Variants in HS6ST1 observed in about 807,000 individuals in gnomAD.
The protein encoded by HS6ST1 is heparan-sulfate 6-O-sulfotransferase 1.
Under a neutral mutation model 25.2 loss-of-function variants are expected in HS6ST1, and 3 were observed. The ratio of observed to expected loss-of-function variants is 0.12; its 90% CI spans 0.05 to 0.31. HS6ST1 has a LOEUF of 0.31. HS6ST1 is among the 10% of genes least tolerant of loss of function. The probability of loss-of-function intolerance (pLI) is 1.00; values close to 1 mark genes in which losing one functional copy is unlikely to be tolerated. For synonymous variants in HS6ST1, 204 were observed against 275.1 expected (o/e 0.74, Z 2.56); for missense variants, 310 against 609.6 (o/e 0.51, Z 5.18).
chr2:128,269,626 T>C (rs547998293), intron 1 of HS6ST1, among the ~76,000 whole-genome samples: 1 of 152,296 alleles, frequency 6.6e-6, no homozygotes, highest in Non-Finnish European at 1.5e-5. Flanking sequence ...CGGCTGTGGA[T>C]ATGCCCGGTG....
intron 1 of HS6ST1, among the ~76,000 whole-genome samples, chr2:128,270,594 A>T (rs1279515762): frequency 6.6e-6 from 1 of 152,222 alleles, no homozygotes; most frequent in Non-Finnish European, 1.5e-5. Context: ...CGGCCGGGGC[A>T]GGCTTCTGTC....
intron 1 of HS6ST1, among the ~76,000 whole-genome samples, chr2:128,292,076 G>A (rs997822544): frequency 7.2e-5 from 11 of 152,240 alleles, no homozygotes; most frequent in Admixed American, 3.3e-4. Flanking sequence ...AGCCGGCAGG[G>A]GAGGCGGCAC....
Position 128,284,050 on chromosome 2 carries a change from C to T in HS6ST1, c.528-15180G>A, listed in dbSNP as rs144080536. ...GAGCAGGGGGGCTGAGTCAGACCCACGGGGCAGCCCCCCACCCTCACCCCA... is the reference window on the plus strand; with the variant it reads ...GAGCAGGGGGGCTGAGTCAGACCCATGGGGCAGCCCCCCACCCTCACCCCA... On this transcript the variant is annotated intron_variant, in intron 1 of 1. Coordinates refer to ENST00000259241, the MANE Select transcript of HS6ST1 (RefSeq NM_004807.3). Among the ~76,000 whole-genome samples the T allele has an allele frequency of 7.2e-3, 1,095 of 152,284 alleles. 11 individuals are homozygous for T. Among genetic ancestry groups the T allele is most frequent in the African/African-American group, 0.025 (1,048 of 41,556 alleles).
intron 1 of HS6ST1, among the ~76,000 whole-genome samples, chr2:128,307,146 C>T (rs569736919): frequency 1.3e-5 from 2 of 152,250 alleles, no homozygotes; most frequent in African/African-American, 4.8e-5. Context: ...GCGGCAAAAT[C>T]GCTGTGAGGG....
intron 1 of HS6ST1, among the ~76,000 whole-genome samples, chr2:128,298,189 G>A (rs1016759972): frequency 1.1e-4 from 17 of 152,100 alleles, no homozygotes; most frequent in African/African-American, 3.9e-4. Flanking sequence ...AGGATGTAGA[G>A]AAACTGGAAC....
chr2:128,301,492 G>A (rs115616613), intron 1 of HS6ST1, among the ~76,000 whole-genome samples: 1,646 of 152,290 alleles, frequency 0.011, 12 homozygotes, highest in Non-Finnish European at 0.019. Flanking sequence ...GCTCAGAATG[G>A]AAAATTGCTC....
intron 1 of HS6ST1, among the ~76,000 whole-genome samples, chr2:128,316,492 G>A (rs1694364930): frequency 6.6e-6 from 1 of 152,212 alleles, no homozygotes; most frequent in Admixed American, 6.5e-5. Flanking sequence ...GTGGTCCCAG[G>A]CACAGCTGAG....
chr2:128,307,959 G>A (rs1314081458), intron 1 of HS6ST1, among the ~76,000 whole-genome samples: 1 of 152,208 alleles, frequency 6.6e-6, no homozygotes, highest in African/African-American at 2.4e-5. Context: ...GTTAAGTCCA[G>A]CAGTCAATGA....
chr2:128,317,276 G>C (rs368499002), intron 1 of HS6ST1, among the ~76,000 whole-genome samples: 1 of 152,248 alleles, frequency 6.6e-6, no homozygotes, highest in South Asian at 2.1e-4. Flanking sequence ...CCCCAGAGAA[G>C]GGGTGTGGCA....
At chr2:128,283,829 C>T (rs1270700107) in intron 1 of HS6ST1, among the ~76,000 whole-genome samples, 1 of 152,186 alleles carries the variant, frequency 6.6e-6, no homozygotes, top group East Asian at 1.9e-4. Context: ...AGTTCTAGAG[C>T]TATCGCCACT....
chr2:128,277,498 G>C (rs1693713887), intron 1 of HS6ST1, among the ~76,000 whole-genome samples: 7 of 152,244 alleles, frequency 4.6e-5, no homozygotes, highest in Admixed American at 4.6e-4. Flanking sequence ...GCTGTGATGT[G>C]TGGCCATCCC....
At chr2:128,286,926 C>T (rs1693873608) in intron 1 of HS6ST1, among the ~76,000 whole-genome samples, 1 of 152,164 alleles carries the variant, frequency 6.6e-6, no homozygotes, top group Non-Finnish European at 1.5e-5. Flanking sequence ...AGCAGGAGGC[C>T]CCTCTGAATG....
At chr2:128,274,017 C>T (rs561077017) in intron 1 of HS6ST1, among the ~76,000 whole-genome samples, 2 of 152,268 alleles carry the variant, frequency 1.3e-5, no homozygotes, top group South Asian at 4.2e-4. Context: ...CCTCGCACCC[C>T]CTGCTGAAGG....
rs528593437 is a variant in HS6ST1, at chr2:128,308,167, C to T, written c.527+9870G>A. ...ACACAAGGGCAGGAAACATGTGAAACGCAGGACAGTGGTGCTGAGCGAGGC... is the reference window on the plus strand; with the variant it reads ...ACACAAGGGCAGGAAACATGTGAAATGCAGGACAGTGGTGCTGAGCGAGGC... On this transcript the variant is annotated intron_variant, in intron 1 of 1. Transcript: ENST00000259241. 3.9e-5 allele frequency among the ~76,000 whole-genome samples: 6 copies of T among 152,284 alleles called. No homozygotes were observed. In the South Asian group the frequency reaches 1.0e-3, roughly 26 times the overall value.
At position 128,317,945 on chromosome 2, in the gene HS6ST1, G is replaced by A; in HGVS notation, c.527+92C>T. The A allele has an allele frequency of 2.3e-6, 3 of 1,329,154 alleles. No homozygotes were observed. In the South Asian group the frequency reaches 5.8e-5, roughly 26 times the overall value. The allele number at this position is 1,329,154 out of a possible 1,614,324, so 82.3% of individuals were successfully genotyped here. A position where few individuals can be genotyped will look rare whatever the true frequency, so the allele number is the denominator to read the frequency against. On this transcript the variant is annotated intron_variant, in intron 1 of 1. Transcript: ENST00000259241. ...CCCCCAAGAGGGCAGAAGGGGGTAG[G>A]GAAGGCAGGGCCGACCCAGTACAGC...
chr2:128,313,665 C>T (rs1310716254), intron 1 of HS6ST1, among the ~76,000 whole-genome samples: 1 of 152,124 alleles, frequency 6.6e-6, no homozygotes, highest in African/African-American at 2.4e-5. Flanking sequence ...GGTGGCCACT[C>T]CCCCGTGTGG....
chr2:128,308,067 T>C (rs1694237791), intron 1 of HS6ST1, among the ~76,000 whole-genome samples: 1 of 151,938 alleles, frequency 6.6e-6, no homozygotes, highest in Non-Finnish European at 1.5e-5. Flanking sequence ...TTGATAAGGG[T>C]TCTGGAAAGT....
chr2:128,297,008 G>A (rs1232859190), intron 1 of HS6ST1, among the ~76,000 whole-genome samples: 1 of 152,168 alleles, frequency 6.6e-6, no homozygotes, highest in Non-Finnish European at 1.5e-5. Flanking sequence ...GCTGCAGTGA[G>A]CCAGGTTCAC....
intron 1 of HS6ST1, among the ~76,000 whole-genome samples, chr2:128,276,086 CAA>C (rs1693690452): frequency 6.6e-6 from 1 of 152,214 alleles, no homozygotes; most frequent in Non-Finnish European, 1.5e-5. Context: ...CAAAAACAAA[CAA>C]ATCCCCAGAA....
Sources: gnomAD v4.1 joint callset for allele counts (sites outside exome capture counted in the v4.1 genomes callset) on GRCh38, gnomAD v4.1.1 for gene constraint, MANE v1.5 for transcripts, NCBI Gene and HGNC (gene_info 2026-07-23, HGNC 2026-07-21) for gene names.